The following FRMD3 variants were observed in gnomAD, a reference collection of about 807,000 sequenced individuals.
FRMD3 encodes the protein FERM domain containing 3, also known as FERM domain-containing protein 3.
FRMD3 carries 33 observed loss-of-function variants against 70.2 expected under a neutral mutation model. That is an observed-to-expected ratio of 0.47 (90% CI 0.36 to 0.63). The LOEUF (loss-of-function observed/expected upper bound fraction) is 0.63. Ranked by LOEUF, FRMD3 falls within the 20% of genes least tolerant of loss-of-function variation. The pLI is 0.00. For synonymous variants in FRMD3, 279 were observed against 255.9 expected (o/e 1.09, Z -0.86); for missense variants, 632 against 711.4 (o/e 0.89, Z 1.27).
intron 2 of FRMD3, among the ~76,000 whole-genome samples, chr9:83,381,413 G>A (rs763510036): frequency 1.3e-5 from 2 of 152,006 alleles, no homozygotes; most frequent in Admixed American, 6.6e-5. Flanking sequence ...AAAATTAGCC[G>A]GGTGTGGTGG....
At chr9:83,300,348 G>A (rs1240716515) in intron 10 of FRMD3, among the ~76,000 whole-genome samples, 1 of 152,196 alleles carries the variant, frequency 6.6e-6, no homozygotes, top group Non-Finnish European at 1.5e-5. Context: ...AAGTGGTGGT[G>A]GATATACCCA....
chr9:83,491,357 C>T (rs541720162), intron 1 of FRMD3, among the ~76,000 whole-genome samples: 2 of 152,196 alleles, frequency 1.3e-5, no homozygotes, highest in East Asian at 1.9e-4. Flanking sequence ...CAGTGCTTGC[C>T]GAGTTTTCTT....
At chr9:83,356,368 C>T (rs1196374939) in intron 3 of FRMD3, among the ~76,000 whole-genome samples, 4 of 149,240 alleles carry the variant, frequency 2.7e-5, no homozygotes, top group South Asian at 2.1e-4. Context: ...CTCCGCCTCC[C>T]GGGTTCACGC....
chr9:83,261,901 T>A (rs1833012630), intron 13 of FRMD3, among the ~76,000 whole-genome samples: 1 of 152,188 alleles, frequency 6.6e-6, no homozygotes, highest in African/African-American at 2.4e-5. Flanking sequence ...TCCTCATCTG[T>A]AAAATGGGGA....
intron 13 of FRMD3, among the ~76,000 whole-genome samples, chr9:83,255,375 A>T (rs1832654254): frequency 6.6e-6 from 1 of 152,140 alleles, no homozygotes; most frequent in Non-Finnish European, 1.5e-5. Context: ...ATGAAGGAAC[A>T]TACCTCAAAA....
At chr9:83,316,802 A>T (rs1835596808) in intron 6 of FRMD3, among the ~76,000 whole-genome samples, 1 of 152,218 alleles carries the variant, frequency 6.6e-6, no homozygotes, top group African/African-American at 2.4e-5. Context: ...ATGGGAAAAG[A>T]GATCTCTGGA....
intron 6 of FRMD3, among the ~76,000 whole-genome samples, chr9:83,327,758 C>A (rs1836077467): frequency 6.6e-6 from 1 of 152,176 alleles, no homozygotes; most frequent in South Asian, 2.1e-4. Context: ...ATCTTCAGCT[C>A]TCAGATGGGT....
chr9:83,273,994 A>AT (rs1025206375), intron 13 of FRMD3, among the ~76,000 whole-genome samples: 1 of 152,038 alleles, frequency 6.6e-6, no homozygotes, highest in East Asian at 1.9e-4. Context: ...ATTTTTTTAC[A>AT]TTTTTTTATA....
chr9:83,276,406 A>G (rs1243205156), intron 13 of FRMD3: 1 of 152,246 alleles, frequency 6.6e-6, no homozygotes, highest in Non-Finnish European at 1.5e-5. Flanking sequence ...ATATTACATA[A>G]ATAAATGAAG....
chr9:83,320,752 A>C (rs1835768947), intron 6 of FRMD3, among the ~76,000 whole-genome samples: 1 of 152,100 alleles, frequency 6.6e-6, no homozygotes, highest in Middle Eastern at 3.2e-3. Context: ...GATTGGTATT[A>C]GTTCTTCTTT....
In FRMD3 at chr9:83,335,591, C is replaced by T. The variant is rs752991942; in HGVS notation, c.521G>A (p.Ser174Asn). The change falls in exon 6 of 14, where the codon AGT becomes AAT. Residue 174 changes from serine to asparagine, a missense_variant. Physicochemically the swap from Ser to Asn is conservative, Grantham distance 46. Around this residue, in one of 3 missense-constraint regions of FRMD3, gnomAD observed 208 missense variants for 247.7 expected, o/e 0.84. Coordinates refer to ENST00000304195, the MANE Select transcript of FRMD3 (RefSeq NM_174938.6). ...DPDEHPENYI[S>N]EFEIFPKQSQ... ...CTGCTTGGGGAAAATCTCAAACTCACTGATGTAATTCTCAGGATGCTCATC... is the reference window on the plus strand; with the variant it reads ...CTGCTTGGGGAAAATCTCAAACTCATTGATGTAATTCTCAGGATGCTCATC... 6.2e-7 allele frequency: 1 copy of T among 1,613,256 alleles called. No individual in the cohort carries two copies. Among genetic ancestry groups the T allele is most frequent in the South Asian group, 1.1e-5 (1 of 91,016 alleles).
chr9:83,578,651 T>C, the FRMD3 span, among the ~76,000 whole-genome samples: 1 of 151,826 alleles, frequency 6.6e-6, no homozygotes, highest in Non-Finnish European at 1.5e-5. Context: ...AACAGAACTC[T>C]TAACAGATTA....
At chr9:83,470,455 C>T (rs555846089) in intron 1 of FRMD3, among the ~76,000 whole-genome samples, 3 of 152,322 alleles carry the variant, frequency 2.0e-5, no homozygotes, top group East Asian at 3.9e-4. Context: ...TGAGAGAGAA[C>T]ACATGTAAAT....
chr9:83,579,532 A>G, the FRMD3 span, among the ~76,000 whole-genome samples: 2 of 152,152 alleles, frequency 1.3e-5, no homozygotes, highest in Admixed American at 1.3e-4. Flanking sequence ...CACAATGGAG[A>G]AAGGATGACC....
At position 83,246,315 on chromosome 9, in the gene FRMD3, G is replaced by A. The variant is rs1487269240; in HGVS notation, c.*1603C>T. ...TCTTATCTTTCTCCCACATAACACAGTATCAGCAGGTAGTCTGCATGGGAA... is the reference window on the plus strand; with the variant it reads ...TCTTATCTTTCTCCCACATAACACAATATCAGCAGGTAGTCTGCATGGGAA... On this transcript the variant is annotated 3_prime_UTR_variant, in exon 14 of 14. Transcript: ENST00000304195. 5 of 983,992 alleles carry A rather than the reference G, an allele frequency of 5.1e-6. No individual in the cohort carries two copies. The South Asian group carries it at 1.4e-4, about 28-fold the overall frequency. 61.0% of individuals were successfully genotyped at this position (983,992 alleles called of 1,614,324 possible).
chr9:83,351,435 TC>T, intron 3 of FRMD3, among the ~76,000 whole-genome samples: 3 of 151,544 alleles, frequency 2.0e-5, no homozygotes, highest in Admixed American at 2.0e-4. Flanking sequence ...CCTAACCTGA[TC>T]CTATGTTCCC....
chr9:83,515,950 AC>A (rs1300531707), intron 1 of FRMD3, among the ~76,000 whole-genome samples: 1 of 152,216 alleles, frequency 6.6e-6, no homozygotes, highest in Non-Finnish European at 1.5e-5. Context: ...GGCCTGCCTT[AC>A]AAGAGCTCCT....
intron 1 of FRMD3, chr9:83,467,618 C>T: frequency 6.5e-7 from 1 of 1,527,204 alleles, no homozygotes; most frequent in Non-Finnish European, 8.8e-7. Flanking sequence ...TGACACATAC[C>T]TTTGAAAGCT....
At chr9:83,396,522 G>A (rs1825816160) in intron 1 of FRMD3, among the ~76,000 whole-genome samples, 1 of 152,180 alleles carries the variant, frequency 6.6e-6, no homozygotes, top group African/African-American at 2.4e-5. Flanking sequence ...TGGTTGGTAT[G>A]AGGGTAACCC....
Sources: allele counts gnomAD v4.1 joint callset (sites outside exome capture counted in the v4.1 genomes callset), GRCh38; gene constraint gnomAD v4.1.1; regional missense constraint gnomAD v4.1.1; transcripts MANE v1.5; gene names NCBI Gene and HGNC (gene_info 2026-07-23, HGNC 2026-07-21).